The following ULK4 variants were observed in gnomAD, a reference collection of about 807,000 sequenced individuals.
ULK4 encodes the protein unc-51 like kinase 4, also known as inactive serine/threonine-protein kinase ULK4.
Under a neutral mutation model 160.6 loss-of-function variants are expected in ULK4, and 133 were observed. That is an observed-to-expected ratio of 0.83 (90% CI 0.72 to 0.96). The LOEUF is 0.96. ULK4 is among the 40% of genes least tolerant of loss of function. The probability of loss-of-function intolerance (pLI) is 0.00; values close to 1 mark genes in which losing one functional copy is unlikely to be tolerated. For synonymous variants in ULK4, 534 were observed against 539.8 expected, an observed-to-expected ratio of 0.99 and a Z score of 0.15; for missense variants, 1,580 against 1,499.5, an observed-to-expected ratio of 1.05 and a Z score of -0.89.
intron 34 of ULK4, among the ~76,000 whole-genome samples, chr3:41,401,128 A>G (rs2082170437): frequency 6.6e-6 from 1 of 151,646 alleles, no homozygotes; most frequent in Admixed American, 6.6e-5. Context: ...GAGAAAAAAA[A>G]GTTAATTTTG....
intron 30 of ULK4, among the ~76,000 whole-genome samples, chr3:41,632,170 G>A (rs903607230): frequency 6.6e-6 from 1 of 152,130 alleles, no homozygotes; most frequent in African/African-American, 2.4e-5. Context: ...GAGCTGGAAG[G>A]GGAGTGAACA....
intron 30 of ULK4, among the ~76,000 whole-genome samples, chr3:41,646,322 GACTGGT>G (rs1438289656): frequency 6.6e-6 from 1 of 152,152 alleles, no homozygotes; most frequent in Non-Finnish European, 1.5e-5. Context: ...ATTTTGCAGC[GACTGGT>G]ACTGGTTGTT....
chr3:41,926,113 C>A (rs1408702194), intron 5 of ULK4, among the ~76,000 whole-genome samples: 2 of 152,182 alleles, frequency 1.3e-5, no homozygotes, highest in Non-Finnish European at 2.9e-5. Context: ...CGGCTGCTAT[C>A]TGGCAGGTGC....
chr3:41,331,453 A>C (rs1215314588), intron 35 of ULK4, among the ~76,000 whole-genome samples: 1 of 152,226 alleles, frequency 6.6e-6, no homozygotes, highest in Non-Finnish European at 1.5e-5. Flanking sequence ...CCTTGCCTTT[A>C]GATCCTTGGT....
intron 31 of ULK4, among the ~76,000 whole-genome samples, chr3:41,602,055 G>T (rs998503229): frequency 6.6e-6 from 1 of 151,938 alleles, no homozygotes; most frequent in African/African-American, 2.4e-5. Flanking sequence ...AATTAGCCAG[G>T]CATGGTGGTG....
At chr3:41,587,070 G>A (rs995170784) in intron 31 of ULK4, among the ~76,000 whole-genome samples, 21 of 152,208 alleles carry the variant, frequency 1.4e-4, no homozygotes, top group Middle Eastern at 3.4e-3. Context: ...TTATTTAGAG[G>A]CTCCATGGAA....
At chr3:41,407,917 T>C (rs1419409390) in intron 34 of ULK4, among the ~76,000 whole-genome samples, 1 of 152,090 alleles carries the variant, frequency 6.6e-6, no homozygotes, top group Non-Finnish European at 1.5e-5. Flanking sequence ...GCAGAAGATA[T>C]AATCTTATAC....
At chr3:41,703,132 G>GCATCA (rs936946825) in intron 27 of ULK4, among the ~76,000 whole-genome samples, 4 of 152,106 alleles carry the variant, frequency 2.6e-5, no homozygotes, top group African/African-American at 9.7e-5. Context: ...GGGATTACAG[G>GCATCA]CGTGATCCAC....
At chr3:41,616,605 T>C (rs1251623827) in intron 30 of ULK4, among the ~76,000 whole-genome samples, 1 of 152,182 alleles carries the variant, frequency 6.6e-6, no homozygotes, top group African/African-American at 2.4e-5. Flanking sequence ...GCCTGGTTAC[T>C]ACGCTTTTCC....
intron 30 of ULK4, among the ~76,000 whole-genome samples, chr3:41,659,989 G>A (rs934232169): frequency 1.2e-4 from 19 of 152,098 alleles, no homozygotes; most frequent in African/African-American, 4.3e-4. Context: ...TGCTGGTTGT[G>A]TATAAAAGAA....
At chr3:41,482,405 A>T (rs1011160561) in intron 32 of ULK4, among the ~76,000 whole-genome samples, 3 of 152,228 alleles carry the variant, frequency 2.0e-5, no homozygotes, top group Non-Finnish European at 4.4e-5. Flanking sequence ...CTGGGTTACG[A>T]CAAGTATATA....
At chr3:41,632,735 CA>C (rs71616020) in intron 30 of ULK4, among the ~76,000 whole-genome samples, 52,514 of 141,698 alleles carry the variant, frequency 0.37, 9,576 homozygotes, top group African/African-American at 0.48. Context: ...TGGATTCTAA[CA>C]AAAAAAAAAA....
chr3:41,636,206 C>T (rs1414810830), intron 30 of ULK4, among the ~76,000 whole-genome samples: 1 of 152,046 alleles, frequency 6.6e-6, no homozygotes, highest in Non-Finnish European at 1.5e-5. Context: ...TGTGAAGCAC[C>T]CAACACTGTC....
intron 32 of ULK4, among the ~76,000 whole-genome samples, chr3:41,527,520 T>C (rs76132875): frequency 5.3e-5 from 8 of 152,342 alleles, no homozygotes; most frequent in South Asian, 2.1e-4. Context: ...GTCACCAGTA[T>C]AGGGCTAACG....
chr3:41,864,437 GTGCTCAC>G (rs2042572881), intron 17 of ULK4, among the ~76,000 whole-genome samples: 1 of 152,024 alleles, frequency 6.6e-6, no homozygotes, highest in African/African-American at 2.4e-5. Context: ...GGTACTATGA[GTGCTCAC>G]CGGATTTTTG....
chr3:41,936,455 T>G (rs556562115), intron 3 of ULK4, among the ~76,000 whole-genome samples: 1 of 152,200 alleles, frequency 6.6e-6, no homozygotes, highest in East Asian at 1.9e-4. Flanking sequence ...AAGGTCCCAG[T>G]TACTTCTCTA....
At chr3:41,514,279 T>C (rs1377622544) in intron 32 of ULK4, among the ~76,000 whole-genome samples, 3 of 152,164 alleles carry the variant, frequency 2.0e-5, no homozygotes, top group Non-Finnish European at 4.4e-5. Context: ...AACTTAAAGA[T>C]TTTAACATAA....
At chr3:41,898,666 G>T (rs1698250519) in intron 13 of ULK4, among the ~76,000 whole-genome samples, 174 bp from the exon 14 acceptor site, 1 of 152,104 alleles carries the variant, frequency 6.6e-6, no homozygotes, top group South Asian at 2.1e-4. Flanking sequence ...CACAAATATA[G>T]ATAATATTTT....
chr3:41,929,882 G>C (rs1417578837), intron 5 of ULK4, among the ~76,000 whole-genome samples: 1 of 152,088 alleles, frequency 6.6e-6, no homozygotes, highest in Non-Finnish European at 1.5e-5. Flanking sequence ...TGGATAGAAA[G>C]AATCAAAATC....
Sources: allele counts gnomAD v4.1 joint callset (sites outside exome capture counted in the v4.1 genomes callset), GRCh38; gene constraint gnomAD v4.1.1; transcripts MANE v1.5; gene names NCBI Gene and HGNC (gene_info 2026-07-23, HGNC 2026-07-21).